The following LRBA variants were observed in gnomAD, a reference collection of about 807,000 sequenced individuals.
LRBA encodes lipopolysaccharide-responsive and beige-like anchor protein.
Under a neutral mutation model 330.0 loss-of-function variants are expected in LRBA, and 176 were observed. The observed-to-expected ratio is 0.53, with a 90% CI of 0.47 to 0.60. LRBA has a LOEUF of 0.60. Ranked by LOEUF, LRBA falls within the 20% of genes least tolerant of loss-of-function variation. The pLI is 0.00. For missense variants in LRBA, 3,259 were observed against 3,444.8 expected, an observed-to-expected ratio of 0.95 and a Z score of 1.35; for synonymous variants, 1,230 against 1,193.0, an observed-to-expected ratio of 1.03 and a Z score of -0.64.
chr4:150,815,050 T>G (rs1235677888), intron 31 of LRBA, among the ~76,000 whole-genome samples: 1 of 151,950 alleles, frequency 6.6e-6, no homozygotes, highest in East Asian at 1.9e-4. Flanking sequence ...AGGGTCCTAT[T>G]TCCTCTGTTC....
intron 47 of LRBA, among the ~76,000 whole-genome samples, chr4:150,372,580 A>G: frequency 6.9e-6 from 1 of 145,820 alleles, no homozygotes; most frequent in Non-Finnish European, 1.5e-5. Flanking sequence ...AAAAAAAAGG[A>G]AAGGAAAAGA....
chr4:150,749,898 G>C (rs944086942), intron 35 of LRBA, among the ~76,000 whole-genome samples: 1 of 152,050 alleles, frequency 6.6e-6, no homozygotes, highest in Non-Finnish European at 1.5e-5. Context: ...TCTGAATATT[G>C]AATACTTCTC....
intron 42 of LRBA, among the ~76,000 whole-genome samples, chr4:150,473,609 G>A (rs1253936614): frequency 6.6e-6 from 1 of 152,204 alleles, no homozygotes; most frequent in South Asian, 2.1e-4. Context: ...TGGATAGCAG[G>A]AGCTCTTGGT....
At chr4:150,777,533 G>A (rs990352719) in intron 34 of LRBA, among the ~76,000 whole-genome samples, 8 of 152,092 alleles carry the variant, frequency 5.3e-5, no homozygotes, top group African/African-American at 1.4e-4. Context: ...AAAACGAAGC[G>A]AATTGGATGG....
intron 44 of LRBA, among the ~76,000 whole-genome samples, chr4:150,443,873 T>TATATATATATATA (rs1491391084): frequency 0.013 from 231 of 18,480 alleles, 1 homozygote; most frequent in Non-Finnish European, 0.019. Flanking sequence ...TATATATATA[T>TATATATATATATA]TTTTTTTTTT....
In LRBA at chr4:150,801,295, A is replaced by T. The variant is rs183068771; in HGVS notation, c.5519-3153T>A. On this transcript the variant is annotated intron_variant, in intron 33 of 56. Transcript: ENST00000651943. ...AATGCTCATGATGAATCTGAAACAC[A>T]ACCATCTTGAAAACACTAAGTCGAA... Among the ~76,000 whole-genome samples, 152 of 152,316 alleles carry T rather than the reference A, an allele frequency of 1.0e-3. 3 individuals carry two copies. Among genetic ancestry groups the T allele is most frequent in the African/African-American group, 3.6e-3 (149 of 41,566 alleles).
intron 40 of LRBA, among the ~76,000 whole-genome samples, chr4:150,509,807 T>C (rs1761623819): frequency 6.6e-6 from 1 of 152,102 alleles, no homozygotes; most frequent in South Asian, 2.1e-4. Context: ...AACAAATAGT[T>C]TGGACTACTT....
At chr4:150,736,177 C>T (rs1186061742) in intron 35 of LRBA, among the ~76,000 whole-genome samples, 1 of 152,112 alleles carries the variant, frequency 6.6e-6, no homozygotes, top group Admixed American at 6.5e-5. Context: ...TTAATACAAT[C>T]GGCCATTAGT....
chr4:150,837,242 G>A (rs965588221), intron 28 of LRBA, among the ~76,000 whole-genome samples: 16 of 152,172 alleles, frequency 1.1e-4, no homozygotes, highest in African/African-American at 3.4e-4. Context: ...GAATAAGTGC[G>A]ACGTGGTGCT....
chr4:150,800,424 T>C (rs974289357), intron 33 of LRBA, among the ~76,000 whole-genome samples: 10 of 152,146 alleles, frequency 6.6e-5, no homozygotes, highest in Admixed American at 4.6e-4. Context: ...AGCAAAGAAA[T>C]AGAGGATAGC....
intron 22 of LRBA, among the ~76,000 whole-genome samples, chr4:150,854,069 A>G (rs1261966419): frequency 1.3e-5 from 2 of 152,182 alleles, no homozygotes; most frequent in African/African-American, 4.8e-5. Context: ...AGCAAACAAA[A>G]GTAAAAATGA....
At chr4:150,735,214 T>TA (rs1330833389) in intron 36 of LRBA, 44 bp downstream of exon 36, 6 of 1,365,790 alleles carry the variant, frequency 4.4e-6, no homozygotes, top group Middle Eastern at 1.8e-4. Flanking sequence ...TGATTATCAT[T>TA]AAAAAACGGT....
In LRBA at chr4:150,350,068, G is replaced by A; in HGVS notation, c.7286C>T (p.Ala2429Val). 1.2e-6 allele frequency: 2 copies of A among 1,612,962 alleles called. No individual in the cohort carries two copies. The highest frequency in any genetic ancestry group is 1.7e-6 in the Non-Finnish European group (2 of 1,179,354). ...GGTCAAGTAATAGAACACATTGAGGGCTCGGACAGCTTCTGGTCCTTGCTG... is the reference window on the plus strand; with the variant it reads ...GGTCAAGTAATAGAACACATTGAGGACTCGGACAGCTTCTGGTCCTTGCTG... The part of the protein sequence containing the change: ...YKQQGPEAVR[A>V]LNVFYYLTYE... Residue 2429 changes from alanine (A) to valine (V), a missense_variant, in exon 48 of 57, where the codon GCC becomes GTC. Physicochemically the swap from Ala to Val is moderately conservative, Grantham distance 64. Transcript: ENST00000651943.
chr4:150,852,799 A>G lies in LRBA; in HGVS notation c.2911T>C (p.Ser971Pro), dbSNP rs189448516. ...IRRDINVSVG[S>P]QQPDTKDSPV... ...GAATCCTTCGTATCTGGTTGCTGGG[A>G]TCCTACTGAAACATTAATATCCCTT... is the stretch of plus-strand genomic sequence containing the variant. The change falls in exon 23 of 57, where the codon TCC becomes CCC. Residue 971 changes from serine (S) to proline (P), a missense_variant. By Grantham distance (74) the Ser-to-Pro change is moderately conservative. Transcript: ENST00000651943. 9.9e-6 allele frequency: 16 copies of G among 1,614,052 alleles called. No individual in the cohort carries two copies. The East Asian group carries it at 3.3e-4, about 34-fold the overall frequency.
At chr4:150,610,914 G>A (rs1171066727) in intron 37 of LRBA, among the ~76,000 whole-genome samples, 1 of 152,102 alleles carries the variant, frequency 6.6e-6, no homozygotes, top group Non-Finnish European at 1.5e-5. Context: ...GAAACAATCA[G>A]TAATTCTATT....
chr4:150,590,573 G>A, intron 39 of LRBA, 140 bp downstream of exon 39: 1 of 655,838 alleles, frequency 1.5e-6, no homozygotes, highest in African/African-American at 1.8e-5. Context: ...TGTAGAAGGG[G>A]GGGAAGTATT....
intron 44 of LRBA, among the ~76,000 whole-genome samples, chr4:150,465,310 A>T (rs756897351): frequency 2.0e-5 from 3 of 152,074 alleles, no homozygotes; most frequent in Non-Finnish European, 4.4e-5. Context: ...CTGTCGATGG[A>T]CATTTGGGTT....
intron 41 of LRBA, among the ~76,000 whole-genome samples, chr4:150,489,676 T>TTATATATAAGAATATATTA (rs1401354539): frequency 8.0e-6 from 1 of 125,482 alleles, no homozygotes; most frequent in Admixed American, 9.5e-5. Flanking sequence ...AGAATATATA[T>TTATATATAAGAATATATTA]TATATATAAG....
intron 38 of LRBA, 119 bp downstream of exon 38, chr4:150,598,888 G>GA: frequency 8.3e-7 from 1 of 1,201,492 alleles, no homozygotes; most frequent in South Asian, 1.6e-5. Context: ...TTTCTGGTAT[G>GA]AACAACCATA....
Sources: gnomAD v4.1 joint callset for allele counts (sites outside exome capture counted in the v4.1 genomes callset) on GRCh38, gnomAD v4.1.1 for gene constraint, MANE v1.5 for transcripts, NCBI Gene and HGNC (gene_info 2026-07-23, HGNC 2026-07-21) for gene names.